The following CADM2 variants were observed in gnomAD, a reference collection of about 807,000 sequenced individuals.
CADM2 encodes cell adhesion molecule 2.
A neutral mutation model predicts 49.8 loss-of-function variants in CADM2; 12 were observed. The observed-to-expected ratio is 0.24, with a 90% CI of 0.15 to 0.39. The LOEUF is 0.39. Ranked by LOEUF, CADM2 falls within the 10% of genes least tolerant of loss-of-function variation. The pLI is 1.00. For missense variants in CADM2, 378 were observed against 492.3 expected, an observed-to-expected ratio of 0.77 and a Z score of 2.20; for synonymous variants, 214 against 175.4, an observed-to-expected ratio of 1.22 and a Z score of -1.74.
At chr3:85,236,098 G>A (rs2042401232) in intron 1 of CADM2, among the ~76,000 whole-genome samples, 1 of 151,970 alleles carries the variant, frequency 6.6e-6, no homozygotes, top group Admixed American at 6.6e-5. Context: ...TTATTCTCAG[G>A]ACACTGTTGG....
chr3:85,871,572 T>G (rs1163194216), intron 3 of CADM2, among the ~76,000 whole-genome samples: 1 of 152,162 alleles, frequency 6.6e-6, no homozygotes, highest in Non-Finnish European at 1.5e-5. Flanking sequence ...TTTCTCATCT[T>G]TAGAAGAGAA....
intron 1 of CADM2, among the ~76,000 whole-genome samples, chr3:85,223,849 G>A (rs952771802): frequency 9.2e-5 from 14 of 152,038 alleles, no homozygotes; most frequent in East Asian, 3.9e-4. Context: ...GAGAACATGC[G>A]GTGTTTTGTT....
intron 1 of CADM2, among the ~76,000 whole-genome samples, chr3:85,199,189 T>C (rs1439573321): frequency 6.6e-6 from 1 of 152,012 alleles, no homozygotes; most frequent in African/African-American, 2.4e-5. Context: ...GCATAAAATA[T>C]CATGTGATCT....
At chr3:85,584,602 T>G (rs2062886567) in intron 1 of CADM2, among the ~76,000 whole-genome samples, 1 of 152,062 alleles carries the variant, frequency 6.6e-6, no homozygotes, top group Non-Finnish European at 1.5e-5. Flanking sequence ...AGTGTGAAAA[T>G]GTACTTCCCC....
At position 85,955,145 on chromosome 3, in the gene CADM2, TTAAGA is replaced by T. The variant is rs1329431493; in HGVS notation, c.792-6321_792-6317del. Among the ~76,000 whole-genome samples, 4 of 151,494 alleles carry T rather than the reference TTAAGA, an allele frequency of 2.6e-5. No homozygotes were observed. In the South Asian group the frequency reaches 6.2e-4, roughly 24 times the overall value. On this transcript the variant is annotated intron_variant, in intron 7 of 9. Coordinates refer to ENST00000383699, the MANE Select transcript of CADM2 (RefSeq NM_001167675.2). ...TATTTGAAATTTTTGTTCATTTTTC[TTAAGA>T]TAGAACAAGATGTTGTCTTGAATGT...
At chr3:85,554,097 T>C (rs1270170462) in intron 1 of CADM2, among the ~76,000 whole-genome samples, 1 of 151,888 alleles carries the variant, frequency 6.6e-6, no homozygotes, top group East Asian at 1.9e-4. Flanking sequence ...GAAAACAATT[T>C]TTCCACAGAA....
intron 1 of CADM2, among the ~76,000 whole-genome samples, chr3:85,587,361 C>A (rs1303532208): frequency 3.3e-5 from 5 of 152,058 alleles, no homozygotes; most frequent in Non-Finnish European, 7.4e-5. Context: ...GGTATATTCA[C>A]AAGTCATGTG....
At chr3:85,254,132 A>G (rs1252371517) in intron 1 of CADM2, among the ~76,000 whole-genome samples, 1 of 152,080 alleles carries the variant, frequency 6.6e-6, no homozygotes, top group Admixed American at 6.6e-5. Flanking sequence ...TTAATTTGCT[A>G]GAGTACCTCA....
At chr3:85,569,340 A>ATCATCTAGC (rs60197844) in intron 1 of CADM2, among the ~76,000 whole-genome samples, 31,314 of 151,836 alleles carry the variant, frequency 0.21, 3,832 homozygotes, top group East Asian at 0.3. Context: ...ATTATATTTA[A>ATCATCTAGC]TCATCTAGCC....
At chr3:85,400,446 G>C (rs1290632532) in intron 1 of CADM2, among the ~76,000 whole-genome samples, 1 of 152,086 alleles carries the variant, frequency 6.6e-6, no homozygotes, top group Non-Finnish European at 1.5e-5. Context: ...TTTGGTATCA[G>C]GATGATACTG....
intron 8 of CADM2, among the ~76,000 whole-genome samples, chr3:85,972,455 G>A (rs1181349147): frequency 6.6e-6 from 1 of 151,684 alleles, no homozygotes; most frequent in East Asian, 1.9e-4. Context: ...GACCACCCCT[G>A]GGGGAGGACA....
At chr3:85,186,108 G>A (rs2041054990) in intron 1 of CADM2, among the ~76,000 whole-genome samples, 1 of 152,122 alleles carries the variant, frequency 6.6e-6, no homozygotes, top group Non-Finnish European at 1.5e-5. Flanking sequence ...AATTTAGATT[G>A]TTTTTTAAAA....
chr3:85,146,647 T>C (rs1022614438), intron 1 of CADM2, among the ~76,000 whole-genome samples: 1 of 152,230 alleles, frequency 6.6e-6, no homozygotes, highest in Non-Finnish European at 1.5e-5. Flanking sequence ...AAATAAACTA[T>C]ATAAATAGAG....
Position 85,540,695 on chromosome 3 carries a change from A to G in CADM2, c.62-185827A>G, listed in dbSNP as rs755829222. On this transcript the variant is annotated intron_variant, in intron 1 of 9. Transcript: ENST00000383699. The stretch of plus-strand genomic sequence containing the variant: ...ATCAAGCATTTGCAAAAGGCATTTT[A>G]TTGCAATAGAAACTGTGTTCATCTA... Among the ~76,000 whole-genome samples, 25 of 152,294 alleles carry G rather than the reference A, an allele frequency of 1.6e-4. 1 individual carries two copies. The highest frequency in any genetic ancestry group is 2.6e-4 in the Non-Finnish European group (18 of 68,006).
At chr3:85,389,713 AT>A (rs1268365063) in intron 1 of CADM2, among the ~76,000 whole-genome samples, 2 of 151,726 alleles carry the variant, frequency 1.3e-5, no homozygotes, top group Non-Finnish European at 1.5e-5. Context: ...CTTATTTATG[AT>A]TTTTTTGTAT....
chr3:85,922,446 A>G (rs1719249528), intron 6 of CADM2, among the ~76,000 whole-genome samples: 1 of 152,140 alleles, frequency 6.6e-6, no homozygotes, highest in African/African-American at 2.4e-5. Context: ...TAATAATAAA[A>G]GGAGAGTGAA....
chr3:86,026,743 G>T (rs1327946296), intron 8 of CADM2, among the ~76,000 whole-genome samples: 1 of 152,164 alleles, frequency 6.6e-6, no homozygotes, highest in African/African-American at 2.4e-5. Context: ...TAACCACTCC[G>T]TGTTGGTGTG....
At chr3:85,927,753 T>C (rs1292296620) in intron 6 of CADM2, among the ~76,000 whole-genome samples, 1 of 152,206 alleles carries the variant, frequency 6.6e-6, no homozygotes, top group African/African-American at 2.4e-5. Context: ...TTGGCCATCA[T>C]CCATAACAGG....
intron 1 of CADM2, among the ~76,000 whole-genome samples, chr3:85,528,979 G>A (rs62252495): frequency 0.51 from 78,127 of 151,996 alleles, 23,115 homozygotes; most frequent in East Asian, 0.85. Flanking sequence ...ACAATTTTTA[G>A]GAGTTAGAAA....
Sources: allele counts gnomAD v4.1 joint callset (sites outside exome capture counted in the v4.1 genomes callset), GRCh38; gene constraint gnomAD v4.1.1; transcripts MANE v1.5; gene names NCBI Gene and HGNC (gene_info 2026-07-23, HGNC 2026-07-21).